Variants in SLC25A26 observed in about 807,000 individuals in gnomAD.
The protein encoded by SLC25A26 is solute carrier family 25 member 26.
Under a neutral mutation model 37.8 loss-of-function variants are expected in SLC25A26, and 36 were observed. The ratio of observed to expected loss-of-function variants is 0.95; its 90% CI spans 0.73 to 1.26. The LOEUF (loss-of-function observed/expected upper bound fraction) is 1.26. Ranked by LOEUF, SLC25A26 falls within the 50% of genes most tolerant of loss-of-function variation. SLC25A26 has a pLI of 0.00. For synonymous variants in SLC25A26, 129 were observed against 122.5 expected, an observed-to-expected ratio of 1.05 and a Z score of -0.35; for missense variants, 390 against 331.1, an observed-to-expected ratio of 1.18 and a Z score of -1.38.
At chr3:66,333,734 G>C (rs1015194740) in intron 5 of SLC25A26, among the ~76,000 whole-genome samples, 3 of 152,170 alleles carry the variant, frequency 2.0e-5, no homozygotes, top group African/African-American at 7.2e-5. Context: ...AGGGTCATCA[G>C]ATCTCTGTGG....
intron 3 of SLC25A26, among the ~76,000 whole-genome samples, chr3:66,251,048 T>G (rs145416054): frequency 6.6e-6 from 1 of 152,218 alleles, no homozygotes; most frequent in African/African-American, 2.4e-5. Flanking sequence ...GATGGTTTGT[T>G]AGGTGGGTGG....
At chr3:66,211,014 T>C (rs2071278026) in intron 1 of SLC25A26, among the ~76,000 whole-genome samples, 1 of 152,228 alleles carries the variant, frequency 6.6e-6, no homozygotes, top group Non-Finnish European at 1.5e-5. Flanking sequence ...TGCACCTGCA[T>C]GGCACATTAC....
chr3:66,343,052 C>T (rs1294138808), intron 5 of SLC25A26, among the ~76,000 whole-genome samples: 1 of 152,174 alleles, frequency 6.6e-6, no homozygotes, highest in African/African-American at 2.4e-5. Flanking sequence ...AGAATAACAG[C>T]CTACATCTGT....
intron 5 of SLC25A26, among the ~76,000 whole-genome samples, chr3:66,304,753 T>A (rs2075169994): frequency 1.3e-5 from 2 of 152,212 alleles, no homozygotes; most frequent in Non-Finnish European, 2.9e-5. Flanking sequence ...AAATCTAATT[T>A]GTTGCTGGCT....
At chr3:66,258,557 G>C (rs2073394437) in intron 3 of SLC25A26, among the ~76,000 whole-genome samples, 1 of 152,198 alleles carries the variant, frequency 6.6e-6, no homozygotes, top group South Asian at 2.1e-4. Context: ...GTTCAATGGA[G>C]ATATAATGTA....
intron 5 of SLC25A26, among the ~76,000 whole-genome samples, chr3:66,303,390 C>T (rs929682145): frequency 6.6e-6 from 1 of 152,170 alleles, no homozygotes; most frequent in Non-Finnish European, 1.5e-5. Flanking sequence ...CTCTGCTGCT[C>T]GTTAGCCCTG....
rs2076742468 is a variant in SLC25A26 at position 66,362,887 on chromosome 3, G to A, written c.526G>A (p.Val176Met). 1 of 1,608,158 alleles carries A rather than the reference G, an allele frequency of 6.2e-7. No individual in the cohort carries two copies. Among genetic ancestry groups the A allele is most frequent in the Non-Finnish European group, 8.5e-7 (1 of 1,177,194 alleles). ...CCTCTGGTCCTGGAGGCAGGATCATGTGGTGGATTCTTGGCAGTCAGCAGT... is the reference window on the plus strand; with the variant it reads ...CCTCTGGTCCTGGAGGCAGGATCATATGGTGGATTCTTGGCAGTCAGCAGT... ...KALWSWRQDH[V>M]VDSWQSAVCG... is the part of the protein sequence containing the mutation. The change falls in exon 7 of 10, where the codon GTG becomes ATG. Residue 176 changes from valine to methionine, a missense_variant. Coordinates refer to ENST00000354883, the MANE Select transcript of SLC25A26 (RefSeq NM_001379210.1).
intron 3 of SLC25A26, among the ~76,000 whole-genome samples, chr3:66,247,251 TTAAATA>T (rs59031457): frequency 0.22 from 33,339 of 149,952 alleles, 4,150 homozygotes; most frequent in Non-Finnish European, 0.29. Context: ...TGTTGGCTAT[TTAAATA>T]TAAATATAAA....
intron 1 of SLC25A26, among the ~76,000 whole-genome samples, chr3:66,182,098 G>A (rs1179762575): frequency 6.6e-6 from 1 of 152,110 alleles, no homozygotes; most frequent in Non-Finnish European, 1.5e-5. Context: ...CGAAGCACAG[G>A]CAACTAGGAC....
chr3:66,361,499 T>G (rs2076706729), intron 6 of SLC25A26, among the ~76,000 whole-genome samples: 1 of 152,226 alleles, frequency 6.6e-6, no homozygotes, highest in Non-Finnish European at 1.5e-5. Flanking sequence ...AAAACATCTG[T>G]AAGTGAGCTA....
At chr3:66,177,773 A>G (rs1202922605) in intron 1 of SLC25A26, among the ~76,000 whole-genome samples, 1 of 152,234 alleles carries the variant, frequency 6.6e-6, no homozygotes, top group Non-Finnish European at 1.5e-5. Context: ...TCAACACTTT[A>G]CCGTAAATTT....
intron 5 of SLC25A26, among the ~76,000 whole-genome samples, chr3:66,280,566 C>T (rs2074302992): frequency 6.6e-6 from 1 of 152,120 alleles, no homozygotes; most frequent in African/African-American, 2.4e-5. Context: ...TCTCTGAATT[C>T]TTTGAACTCT....
chr3:66,150,038 G>T (rs566066523), intron 1 of SLC25A26, among the ~76,000 whole-genome samples: 1 of 152,214 alleles, frequency 6.6e-6, no homozygotes, highest in South Asian at 2.1e-4. Flanking sequence ...AAGGTTCATA[G>T]GCTCCTAATG....
At chr3:66,288,720 C>T (rs963274643) in intron 5 of SLC25A26, among the ~76,000 whole-genome samples, 18 of 152,186 alleles carry the variant, frequency 1.2e-4, no homozygotes, top group Non-Finnish European at 2.4e-4. Flanking sequence ...TTTATCCAGT[C>T]TATCATTGAT....
intron 1 of SLC25A26, among the ~76,000 whole-genome samples, chr3:66,215,180 C>A (rs1428949243): frequency 3.3e-5 from 5 of 151,920 alleles, no homozygotes. Context: ...CCTTTTTGTT[C>A]TATTATTATT....
In SLC25A26 at chr3:66,352,855, G is replaced by A. The variant is rs528887457; in HGVS notation, c.498+6447G>A. Among the ~76,000 whole-genome samples, 53 of 152,134 alleles carry A rather than the reference G, an allele frequency of 3.5e-4. 1 individual carries two copies. Among genetic ancestry groups the A allele is most frequent in the Admixed American group, 5.9e-4 (9 of 15,272 alleles). On this transcript the variant is annotated intron_variant, in intron 6 of 9. Transcript: ENST00000354883. ...AGATCACATGTCACCTCAGAGAGACGTTCCCGGTCTACCCCTCTCCAAAGT... is the reference window on the plus strand; with the variant it reads ...AGATCACATGTCACCTCAGAGAGACATTCCCGGTCTACCCCTCTCCAAAGT...
chr3:66,265,771 T>G lies in SLC25A26; in HGVS notation c.453+2392T>G, dbSNP rs1321875931. On this transcript the variant is annotated intron_variant, in intron 5 of 9. Transcript: ENST00000354883. ...TTAATGTTTCAAAATTAGTTAATTG[T>G]GTGGAGATGACTTGTGCCTTTCAGA... Among the ~76,000 whole-genome samples the G allele has an allele frequency of 2.0e-5, 3 of 152,340 alleles. No individual in the cohort carries two copies. In the East Asian group the frequency reaches 5.8e-4, roughly 29 times the overall value.
chr3:66,294,688 C>A (rs1260463829), intron 5 of SLC25A26, among the ~76,000 whole-genome samples: 1 of 152,102 alleles, frequency 6.6e-6, no homozygotes, highest in Non-Finnish European at 1.5e-5. Context: ...TTAAATAGAA[C>A]TTTTAAAAAA....
chr3:66,228,832 A>G (rs2106939496), intron 1 of SLC25A26, among the ~76,000 whole-genome samples: 1 of 152,294 alleles, frequency 6.6e-6, no homozygotes, highest in South Asian at 2.1e-4. Context: ...GAACACTTAT[A>G]TTTCTCTTTA....
Sources: allele counts gnomAD v4.1 joint callset (sites outside exome capture counted in the v4.1 genomes callset), GRCh38; gene constraint gnomAD v4.1.1; transcripts MANE v1.5; gene names NCBI Gene and HGNC (gene_info 2026-07-23, HGNC 2026-07-21).